GAGE10: variants seen among roughly 807,000 people sequenced by gnomAD.
GAGE10 encodes G antigen 10.
A neutral mutation model predicts 11.5 loss-of-function variants in GAGE10; 9 were observed. The observed-to-expected ratio is 0.78, with a 90% confidence interval of 0.47 to 1.37. The LOEUF (loss-of-function observed/expected upper bound fraction) is 1.37, where lower values mean the gene tolerates loss of function less well. GAGE10 is among the 40% of genes most tolerant of loss of function. The pLI is 0.00. For missense variants in GAGE10, 83 were observed against 92.9 expected (o/e 0.89, Z 0.44); for synonymous variants, 23 against 29.7 (o/e 0.77, Z 0.73).
chrX:49,313,675 A>G (rs2066382502), intron 3 of GAGE10, among the ~76,000 whole-genome samples: 1 of 111,801 alleles, frequency 8.9e-6, no homozygotes, highest in Non-Finnish European at 1.9e-5. Flanking sequence ...GATCATGTCT[A>G]CTTCCACTGC....
At chrX:49,314,128 C>T (rs781935370) in intron 3 of GAGE10, among the ~76,000 whole-genome samples, 1 of 112,407 alleles carries the variant, frequency 8.9e-6, no homozygotes, top group Non-Finnish European at 1.9e-5. Flanking sequence ...GTTTCTATTA[C>T]GTACACTGAT....
chrX:49,309,489 G>T (rs1259051291), intron 3 of GAGE10, among the ~76,000 whole-genome samples: 1 of 112,179 alleles, frequency 8.9e-6, no homozygotes, highest in Non-Finnish European at 1.9e-5. Flanking sequence ...CTGCCTAGCA[G>T]TTTATTGTAG....
At chrX:49,313,746 A>G (rs1296891700) in intron 3 of GAGE10, among the ~76,000 whole-genome samples, 2 of 111,788 alleles carry the variant, frequency 1.8e-5, no homozygotes, top group East Asian at 5.6e-4. Flanking sequence ...CAGTGGCAGC[A>G]GTGACTCCCG....
chrX:49,304,019 G>A (rs1168133040), intron 1 of GAGE10, among the ~76,000 whole-genome samples: 2 of 112,339 alleles, frequency 1.8e-5, no homozygotes, highest in Non-Finnish European at 3.8e-5. Flanking sequence ...GTGGGCCATG[G>A]AGGGGAGGCG....
intron 3 of GAGE10, among the ~76,000 whole-genome samples, chrX:49,306,722 G>C (rs2066358349): frequency 8.9e-6 from 1 of 111,876 alleles, no homozygotes; most frequent in African/African-American, 3.3e-5. Flanking sequence ...TGGGCTGAAT[G>C]CTGTGCACGC....
chrX:49,305,047 T>C (rs1169508347), intron 2 of GAGE10, 107 bp downstream of exon 2: 36 of 1,025,102 alleles, frequency 3.5e-5, no homozygotes, highest in Non-Finnish European at 4.1e-5. Context: ...TTCCTGCTCA[T>C]AAAAAATGAT....
chrX:49,308,282 G>C (rs1557124364), intron 3 of GAGE10, among the ~76,000 whole-genome samples: 1 of 112,106 alleles, frequency 8.9e-6, no homozygotes, highest in African/African-American at 3.3e-5. Context: ...CTGGTGACCC[G>C]GACAGGGATT....
chrX:49,317,656 A>G (rs1453116505), intron 4 of GAGE10, among the ~76,000 whole-genome samples: 2 of 111,582 alleles, frequency 1.8e-5, no homozygotes, highest in Admixed American at 9.6e-5. Flanking sequence ...CCAAGGCATT[A>G]TATTTTTAAT....
Position 49,304,934 on chromosome X carries a change from T to C in GAGE10, c.75T>C (p.Pro25=). The C allele has an allele frequency of 8.3e-7, 1 of 1,203,847 alleles. No individual in the cohort carries two copies. The highest frequency in any genetic ancestry group is 1.8e-5 in the South Asian group (1 of 56,247). The change falls in exon 2 of 5, where the codon CCT becomes CCC. Residue 25 remains proline, a synonymous_variant. Transcript: ENST00000407599. ...RYVEPPEMIG[P]MLPEQFSDEV... ...TAGAGCCCCCTGAAATGATTGGGCC[T>C]ATGCTGGTGAGTGCTTAAACGTTAA...
intron 3 of GAGE10, among the ~76,000 whole-genome samples, chrX:49,310,637 G>T (rs2066373400): frequency 9.0e-6 from 1 of 110,645 alleles, no homozygotes; most frequent in South Asian, 3.9e-4. Flanking sequence ...GAGACAGACC[G>T]GGCTCCATCC....
chrX:49,318,938 G>A lies in GAGE10; in HGVS notation c.329-790G>A, dbSNP rs1306763128. Among the ~76,000 whole-genome samples the A allele has an allele frequency of 6.1e-5, 7 of 114,460 alleles. No individual in the cohort carries two copies. The East Asian group carries it at 1.6e-3, about 27-fold the overall frequency. On this transcript the variant is annotated intron_variant, in intron 4 of 4. Coordinates refer to ENST00000407599, the MANE Select transcript of GAGE10 (RefSeq NM_001098413.4). ...GCATAGTATTCCATGGTGTATATGT[G>A]TCACATTTTCTTAATCCAGTCTATC...
At chrX:49,317,683 C>T (rs782335861) in intron 4 of GAGE10, among the ~76,000 whole-genome samples, 6 of 111,760 alleles carry the variant, frequency 5.4e-5, no homozygotes, top group African/African-American at 1.6e-4. Context: ...GGTAACAATA[C>T]TGCCTCTTTA....
At chrX:49,312,348 T>G in intron 3 of GAGE10, among the ~76,000 whole-genome samples, 1 of 112,811 alleles carries the variant, frequency 8.9e-6, no homozygotes. Flanking sequence ...AGTAAACATA[T>G]GTAATGATTC....
intron 3 of GAGE10, among the ~76,000 whole-genome samples, chrX:49,308,454 G>A (rs782598953): frequency 3.8e-4 from 42 of 111,810 alleles, no homozygotes; most frequent in Non-Finnish European, 6.2e-4. Context: ...AACTGGAGAC[G>A]GGGCTGCAGC....
At chrX:49,313,484 C>T (rs1557124927) in intron 3 of GAGE10, among the ~76,000 whole-genome samples, 2 of 111,559 alleles carry the variant, frequency 1.8e-5, no homozygotes, top group African/African-American at 6.5e-5. Context: ...GGAGAGTTAA[C>T]CCTTAGGAGA....
intron 3 of GAGE10, among the ~76,000 whole-genome samples, chrX:49,313,425 A>C (rs2066381729): frequency 8.9e-6 from 1 of 112,013 alleles, no homozygotes; most frequent in South Asian, 3.7e-4. Flanking sequence ...TATTGTTCGG[A>C]AGGCCACCCC....
At chrX:49,310,372 G>A (rs2066372228) in intron 3 of GAGE10, among the ~76,000 whole-genome samples, 1 of 111,810 alleles carries the variant, frequency 8.9e-6, no homozygotes, top group Non-Finnish European at 1.9e-5. Flanking sequence ...TCTTTGCAAG[G>A]AGACATGGAC....
At chrX:49,309,901 GCC>G (rs1408976602) in intron 3 of GAGE10, among the ~76,000 whole-genome samples, 2 of 112,179 alleles carry the variant, frequency 1.8e-5, no homozygotes, top group African/African-American at 6.5e-5. Context: ...TTATGCTTAC[GCC>G]TCTTACGAGG....
chrX:49,317,026 C>G, intron 3 of GAGE10, 137 bp from the exon 4 acceptor site: 2 of 832,115 alleles, frequency 2.4e-6, no homozygotes, highest in Admixed American at 7.8e-5. Context: ...AAATAATGTT[C>G]ATGGGATTCT....
Sources: gnomAD v4.1 joint callset for allele counts (sites outside exome capture counted in the v4.1 genomes callset) on GRCh38, gnomAD v4.1.1 for gene constraint, MANE v1.5 for transcripts, NCBI Gene and HGNC (gene_info 2026-07-23, HGNC 2026-07-21) for gene names.